KCTD20: variants seen among roughly 807,000 people sequenced by gnomAD.
KCTD20 encodes potassium channel tetramerization domain containing 20, also known as BTB/POZ domain-containing protein KCTD20.
In KCTD20, 30 loss-of-function variants were observed where a neutral mutation model predicts 39.6. The ratio of observed to expected loss-of-function variants is 0.76; its 90% CI spans 0.57 to 1.03. The LOEUF (loss-of-function observed/expected upper bound fraction) is 1.03. KCTD20 is among the 50% of genes least tolerant of loss of function. The pLI is 0.00. For missense variants in KCTD20, 422 were observed against 522.0 expected (o/e 0.81, Z 1.87); for synonymous variants, 162 against 180.6 (o/e 0.90, Z 0.83).
chr6:36,487,141 T>C lies in KCTD20; in HGVS notation c.1226T>C (p.Leu409Pro), dbSNP rs1476575245. 4.3e-6 allele frequency: 7 copies of C among 1,613,976 alleles called. No homozygotes were observed. Among genetic ancestry groups the C allele is most frequent in the African/African-American group, 1.3e-5 (1 of 75,052 alleles). ...VDELDRLNAP[L>P]SQMASNDFQD is the part of the protein sequence containing the mutation. The stretch of plus-strand genomic sequence containing the variant: ...GAACTTGACCGGCTAAATGCCCCAC[T>C]TTCTCAGATGGCTTCTAACGACTTT... Residue 409 changes from leucine to proline, a missense_variant, in exon 8 of 8, where the codon CTT becomes CCT. Coordinates refer to ENST00000373731, the MANE Select transcript of KCTD20 (RefSeq NM_173562.5).
chr6:36,458,686 T>C (rs1775513398), intron 1 of KCTD20, among the ~76,000 whole-genome samples: 1 of 151,734 alleles, frequency 6.6e-6, no homozygotes, highest in Non-Finnish European at 1.5e-5. Flanking sequence ...TCTGGATTAT[T>C]ACATTTTTAA....
chr6:36,484,696 A>G lies in KCTD20; in HGVS notation c.857-18A>G, dbSNP rs774745690. ...AGGTCTTTACTCCATGGCTAACCCT[A>G]TATTTTTTCTTTTTCAGTTCTTTAT... is the stretch of plus-strand genomic sequence containing the variant. On this transcript the variant is annotated intron_variant, in intron 6 of 7. Transcript: ENST00000373731. 2.1e-5 allele frequency: 26 copies of G among 1,222,316 alleles called. No individual in the cohort carries two copies. Among genetic ancestry groups the G allele is most frequent in the South Asian group, 3.9e-5 (3 of 76,390 alleles). The allele number at this position is 1,222,316 out of a possible 1,614,324, so 75.7% of individuals were successfully genotyped here.
At chr6:36,443,459 C>T (rs573006059) in intron 1 of KCTD20, 1 of 152,334 alleles carries the variant, frequency 6.6e-6, no homozygotes, top group African/African-American at 2.4e-5. Flanking sequence ...TGGCGAGAAC[C>T]TGGAGTGTTG....
At chr6:36,466,591 A>C (rs1319144181) in intron 1 of KCTD20, among the ~76,000 whole-genome samples, 2 of 151,896 alleles carry the variant, frequency 1.3e-5, no homozygotes, top group Non-Finnish European at 2.9e-5. Context: ...TATATTACCC[A>C]GGCTGGTCTT....
rs1774921331 is a variant in KCTD20 at position 36,443,092 on chromosome 6, A to C, written c.-66A>C. The C allele has an allele frequency of 6.6e-6, 1 of 152,076 alleles. No homozygotes were observed. The highest frequency in any genetic ancestry group is 2.4e-5 in the African/African-American group (1 of 41,402). 9.4% of individuals were successfully genotyped at this position (152,076 alleles called of 1,614,324 possible). A position where few individuals can be genotyped will look rare whatever the true frequency, so the allele number is the denominator to read the frequency against. ...GGCGGATTCCAGCCCCGAGCGGGAC[A>C]GCGCGGCGGGGAGCGACGAGTAAGT... is the stretch of plus-strand genomic sequence containing the variant. On this transcript the variant is annotated 5_prime_UTR_variant, in exon 1 of 8. Coordinates refer to ENST00000373731, the MANE Select transcript of KCTD20 (RefSeq NM_173562.5).
At chr6:36,483,374 G>A (rs956206056) in intron 6 of KCTD20, among the ~76,000 whole-genome samples, 20 of 147,954 alleles carry the variant, frequency 1.4e-4, no homozygotes, top group Non-Finnish European at 2.5e-4. Context: ...CACCACGTCC[G>A]GCTAATTTTT....
chr6:36,464,125 T>G (rs750021576), intron 1 of KCTD20, among the ~76,000 whole-genome samples: 1 of 152,178 alleles, frequency 6.6e-6, no homozygotes, highest in Non-Finnish European at 1.5e-5. Flanking sequence ...GGATATGCTT[T>G]AAGGACAAAA....
intron 1 of KCTD20, among the ~76,000 whole-genome samples, chr6:36,449,400 A>G (rs935334473): frequency 2.0e-5 from 3 of 151,230 alleles, no homozygotes; most frequent in Non-Finnish European, 4.4e-5. Context: ...ATTGATAGAC[A>G]CAGAGCGCTG....
intron 1 of KCTD20, among the ~76,000 whole-genome samples, chr6:36,450,736 T>C (rs943207966): frequency 6.6e-6 from 1 of 152,178 alleles, no homozygotes; most frequent in Non-Finnish European, 1.5e-5. Flanking sequence ...AACTATTCCA[T>C]ACATTAACTT....
At chr6:36,485,878 G>A (rs182671070) in intron 7 of KCTD20, among the ~76,000 whole-genome samples, 41 of 152,032 alleles carry the variant, frequency 2.7e-4, no homozygotes, top group African/African-American at 8.0e-4. Flanking sequence ...GCTTCACTGT[G>A]TCTGACTTAA....
chr6:36,446,566 T>G (rs1187118347), intron 1 of KCTD20, among the ~76,000 whole-genome samples: 1 of 152,050 alleles, frequency 6.6e-6, no homozygotes, highest in Non-Finnish European at 1.5e-5. Context: ...GGAGGAGGAT[T>G]TCTTTAGCCC....
In KCTD20 at chr6:36,488,507, G is replaced by A. The variant is rs1266556987; in HGVS notation, c.*1332G>A. 1 of 152,190 alleles carries A rather than the reference G, an allele frequency of 6.6e-6. No individual in the cohort carries two copies. The highest frequency in any genetic ancestry group is 1.9e-4 in the East Asian group (1 of 5,196). The allele number at this position is 152,190 out of a possible 1,614,324, so 9.4% of individuals were successfully genotyped here. On this transcript the variant is annotated 3_prime_UTR_variant, in exon 8 of 8. Coordinates refer to ENST00000373731, the MANE Select transcript of KCTD20 (RefSeq NM_173562.5). ...GTATTTTGGAATTATCTCCCAGTTT[G>A]TGGTAGAAGCTGACTGGAATACAGG...
At chr6:36,477,518 T>C (rs1356133502) in intron 3 of KCTD20, among the ~76,000 whole-genome samples, 1 of 149,110 alleles carries the variant, frequency 6.7e-6, no homozygotes, top group Non-Finnish European at 1.5e-5. Flanking sequence ...TCTCGCTCTG[T>C]CGCCCAGGCT....
At chr6:36,485,375 C>T (rs1285591785) in intron 7 of KCTD20, among the ~76,000 whole-genome samples, 3 of 151,832 alleles carry the variant, frequency 2.0e-5, no homozygotes, top group East Asian at 1.9e-4. Context: ...AACAGAACTA[C>T]TTTGAATGAT....
chr6:36,458,641 C>T (rs1222968589), intron 1 of KCTD20, among the ~76,000 whole-genome samples: 1 of 151,756 alleles, frequency 6.6e-6, no homozygotes, highest in Non-Finnish European at 1.5e-5. Context: ...CCTTGGCCTC[C>T]CAAAGTGCTG....
chr6:36,483,270 T>C (rs1039999679), intron 6 of KCTD20, among the ~76,000 whole-genome samples: 21 of 147,072 alleles, frequency 1.4e-4, no homozygotes, highest in Non-Finnish European at 2.3e-4. Flanking sequence ...TTTCTTTTTT[T>C]TTTTTTTTTT....
At chr6:36,482,509 C>A (rs537868725) in intron 6 of KCTD20, among the ~76,000 whole-genome samples, 1 of 152,120 alleles carries the variant, frequency 6.6e-6, no homozygotes, top group African/African-American at 2.4e-5. Context: ...GCCGAGATCA[C>A]GCCATTGCGC....
At chr6:36,456,791 C>G (rs1775449981) in intron 1 of KCTD20, among the ~76,000 whole-genome samples, 1 of 151,924 alleles carries the variant, frequency 6.6e-6, no homozygotes. Flanking sequence ...CTGTAACCCA[C>G]TCCTGAGTAG....
chr6:36,457,374 G>C (rs755181861), intron 1 of KCTD20, among the ~76,000 whole-genome samples: 4 of 152,186 alleles, frequency 2.6e-5, no homozygotes, highest in Admixed American at 6.5e-5. Context: ...CCAATACTGA[G>C]CATTAAAGAA....
Sources: gnomAD v4.1 joint callset for allele counts (sites outside exome capture counted in the v4.1 genomes callset) on GRCh38, gnomAD v4.1.1 for gene constraint, MANE v1.5 for transcripts, NCBI Gene and HGNC (gene_info 2026-07-23, HGNC 2026-07-21) for gene names.